Variants in TRMT2B observed in about 807,000 individuals in gnomAD.
TRMT2B encodes tRNA methyltransferase 2B.
Under a neutral mutation model 39.7 loss-of-function variants are expected in TRMT2B, and 34 were observed. The ratio of observed to expected loss-of-function variants is 0.86; its 90% CI spans 0.65 to 1.14. TRMT2B has a LOEUF of 1.14. TRMT2B is among the 50% of genes most tolerant of loss of function. TRMT2B has a pLI of 0.00. For missense variants in TRMT2B, 318 were observed against 377.2 expected, an observed-to-expected ratio of 0.84 and a Z score of 1.30; for synonymous variants, 132 against 137.3, an observed-to-expected ratio of 0.96 and a Z score of 0.27.
At chrX:101,023,702 T>C (rs758941336) in intron 7 of TRMT2B, 86 bp from the exon 8 acceptor site, 235 of 984,156 alleles carry the variant, frequency 2.4e-4, no homozygotes, top group Non-Finnish European at 3.0e-4. Context: ...TTGTGTTACA[T>C]TGTGTCCCCC....
In TRMT2B at chrX:101,023,611, A is replaced by G. The variant is rs776143341; in HGVS notation, c.615T>C (p.Tyr205=). ...PEKHSQVAQY[Y]EVFLRQSPLE... ...ATGGAGACTGTCGAAGGAATACTTCATAGTACTAGGAAGAGAACCGAATTA... is the reference window on the plus strand; with the variant it reads ...ATGGAGACTGTCGAAGGAATACTTCGTAGTACTAGGAAGAGAACCGAATTA... Residue 205 remains tyrosine, a synonymous_variant, in exon 8 of 14, where the codon TAT becomes TAC. Coordinates refer to ENST00000372936, the MANE Select transcript of TRMT2B (RefSeq NM_024917.6). 8 of 1,202,747 alleles carry G rather than the reference A, an allele frequency of 6.7e-6. No homozygotes were observed. Among genetic ancestry groups the G allele is most frequent in the Admixed American group, 2.2e-5 (1 of 45,478 alleles).
intron 13 of TRMT2B, chrX:101,013,775 C>CATGAAAAG (rs2086384322): frequency 1.9e-5 from 2 of 107,899 alleles, no homozygotes; most frequent in Non-Finnish European, 3.8e-5. Context: ...AAGAAAATGT[C>CATGAAAAG]ATGAAAAGAT....
chrX:101,013,180 GTTA>G (rs57034839), intron 13 of TRMT2B, among the ~76,000 whole-genome samples: 24,375 of 110,743 alleles, frequency 0.22, 2,259 homozygotes, highest in African/African-American at 0.33. Context: ...TGACTGAAAT[GTTA>G]TTATGCGACA....
intron 4 of TRMT2B, among the ~76,000 whole-genome samples, chrX:101,040,308 A>C (rs1311033662): frequency 2.0e-5 from 2 of 102,330 alleles, no homozygotes; most frequent in Non-Finnish European, 4.0e-5. Flanking sequence ...AAAAAAAAAA[A>C]AGAATTGCAG....
chrX:101,041,152 C>T (rs1028886307), intron 4 of TRMT2B, among the ~76,000 whole-genome samples, 165 bp downstream of exon 4: 4 of 111,178 alleles, frequency 3.6e-5, no homozygotes, highest in Non-Finnish European at 7.5e-5. Flanking sequence ...TGTAGTGAGC[C>T]GAGACTGCGC....
chrX:101,044,584 G>A (rs968462603), intron 2 of TRMT2B, among the ~76,000 whole-genome samples: 7 of 110,927 alleles, frequency 6.3e-5, no homozygotes, highest in African/African-American at 9.8e-5. Flanking sequence ...AGGACCGGGC[G>A]CAGTGGCTCA....
chrX:100,978,902 T>C, the TRMT2B span, among the ~76,000 whole-genome samples: 14 of 111,003 alleles, frequency 1.3e-4, 1 homozygote, highest in African/African-American at 3.6e-4. Flanking sequence ...TAACATCTTA[T>C]AACCCATTTT....
chrX:101,013,604 T>A (rs1435511884), intron 13 of TRMT2B: 1 of 116,816 alleles, frequency 8.6e-6, no homozygotes, highest in Non-Finnish European at 1.7e-5. Context: ...ATACAAAAAT[T>A]GGCTGGGCGT....
At chrX:100,973,458 C>G in the TRMT2B span, among the ~76,000 whole-genome samples, 2 of 108,428 alleles carry the variant, frequency 1.8e-5, no homozygotes, top group South Asian at 8.3e-4. Flanking sequence ...AAGACTGAGA[C>G]AGCTCCGCTG....
the TRMT2B span, among the ~76,000 whole-genome samples, chrX:100,984,325 G>C: frequency 9.2e-6 from 1 of 108,517 alleles, no homozygotes; most frequent in African/African-American, 3.4e-5. Context: ...TTTTAGTAAA[G>C]ATGGGGTTTT....
At chrX:101,024,775 C>T (rs1021765985) in intron 7 of TRMT2B, among the ~76,000 whole-genome samples, 3 of 110,561 alleles carry the variant, frequency 2.7e-5, no homozygotes, top group African/African-American at 9.9e-5. Flanking sequence ...GAGCCAAGAT[C>T]GCACCACTGC....
chrX:101,050,090 G>A (rs897147176), intron 2 of TRMT2B, among the ~76,000 whole-genome samples: 9 of 111,805 alleles, frequency 8.0e-5, no homozygotes, highest in Admixed American at 1.9e-4. Context: ...CCACCCCAAC[G>A]ACATTTAGAC....
the TRMT2B span, among the ~76,000 whole-genome samples, chrX:100,992,959 G>A: frequency 8.9e-6 from 1 of 111,828 alleles, no homozygotes; most frequent in Non-Finnish European, 1.9e-5. Context: ...TAGAAACTTT[G>A]TACAGAAAGA....
chrX:100,978,732 A>G, the TRMT2B span, among the ~76,000 whole-genome samples: 1 of 108,215 alleles, frequency 9.2e-6, no homozygotes. Context: ...TCACCTTGTT[A>G]TTTGCTTTCT....
intron 8 of TRMT2B, 62 bp downstream of exon 8, chrX:101,023,408 C>A: frequency 8.8e-7 from 1 of 1,139,819 alleles, no homozygotes; most frequent in Non-Finnish European, 1.2e-6. Context: ...TCCAAAAAAC[C>A]AATTACAGTT....
rs1215789510 is a variant in TRMT2B at position 101,036,984 on chromosome X, TC to T, written c.527del (p.Gly176GlufsTer16). On this transcript the variant is annotated frameshift_variant, in exon 6 of 14. Transcript: ENST00000372936. LOFTEE classifies it high-confidence loss of function. ...CAACCTTCAACTGACCTCTCCAAGTTCCCAGGTAGAACCCCACAGTCTTTGG... is the reference window on the plus strand; with the variant it reads ...CAACCTTCAACTGACCTCTCCAAGTTCCAGGTAGAACCCCACAGTCTTTGG... ...GNPKTVGFYL[G>X]TWRDGNVVCV... 3 of 1,208,715 alleles carry T rather than the reference TC, an allele frequency of 2.5e-6. No homozygotes were observed. Among genetic ancestry groups the T allele is most frequent in the Non-Finnish European group, 3.4e-6 (3 of 892,749 alleles).
the TRMT2B span, among the ~76,000 whole-genome samples, chrX:100,981,906 A>G: frequency 9.2e-6 from 1 of 108,404 alleles, no homozygotes; most frequent in Non-Finnish European, 1.9e-5. Context: ...TAGTTGTTCA[A>G]TTTGGTGTTC....
intron 7 of TRMT2B, among the ~76,000 whole-genome samples, chrX:101,026,030 A>AAGGGAGGGAGGAAGGAAGGG (rs2087057872): frequency 2.1e-5 from 2 of 95,986 alleles, no homozygotes; most frequent in South Asian, 1.4e-3. Context: ...AGAAGGACAG[A>AAGGGAGGGAGGAAGGAAGGG]AGGGAGGGAG....
rs1208192184 is a variant in TRMT2B at position 101,009,447 on chromosome X, A to T, written c.*1134T>A. 2 of 110,254 alleles carry T rather than the reference A, an allele frequency of 1.8e-5. No individual in the cohort carries two copies. The highest frequency in any genetic ancestry group is 6.6e-5 in the African/African-American group (2 of 30,326). The allele number at this position is 110,254 out of a possible 1,213,427, so 9.1% of individuals were successfully genotyped here. A position where few individuals can be genotyped will look rare whatever the true frequency, so the allele number is the denominator to read the frequency against. ...ATTATAGGTATTCAGTCTCTCTGAA[A>T]ATCTCCTTTCCCTTAGGGTCTCTCC... On this transcript the variant is annotated 3_prime_UTR_variant, in exon 14 of 14. Transcript: ENST00000372936.
Sources: allele counts gnomAD v4.1 joint callset (sites outside exome capture counted in the v4.1 genomes callset), GRCh38; gene constraint gnomAD v4.1.1; transcripts MANE v1.5; gene names NCBI Gene and HGNC (gene_info 2026-07-23, HGNC 2026-07-21).